The following DYNC1I1 variants were observed in gnomAD, a reference collection of about 807,000 sequenced individuals.
DYNC1I1 encodes dynein cytoplasmic 1 intermediate chain 1.
DYNC1I1 carries 43 observed loss-of-function variants against 86.6 expected under a neutral mutation model. The ratio of observed to expected loss-of-function variants is 0.50; its 90% CI spans 0.39 to 0.64. DYNC1I1 has a LOEUF of 0.64. DYNC1I1 is among the 30% of genes least tolerant of loss of function. The pLI is 0.00. For synonymous variants in DYNC1I1, 262 were observed against 283.7 expected (o/e 0.92, Z 0.77); for missense variants, 604 against 788.8 (o/e 0.77, Z 2.81).
At chr7:95,897,528 A>G (rs946523281) in intron 6 of DYNC1I1, among the ~76,000 whole-genome samples, 1 of 152,130 alleles carries the variant, frequency 6.6e-6, no homozygotes, top group African/African-American at 2.4e-5. Flanking sequence ...AGCCTATTCA[A>G]TAGGAGGCCT....
At chr7:95,798,184 G>A (rs909254136) in intron 1 of DYNC1I1, among the ~76,000 whole-genome samples, 17 of 152,152 alleles carry the variant, frequency 1.1e-4, no homozygotes, top group African/African-American at 4.1e-4. Flanking sequence ...CTCTTCTGTG[G>A]TATTAGTAGA....
chr7:95,789,242 A>G (rs1297635737), intron 1 of DYNC1I1, among the ~76,000 whole-genome samples: 1 of 152,154 alleles, frequency 6.6e-6, no homozygotes, highest in Non-Finnish European at 1.5e-5. Flanking sequence ...TCAGATGGGT[A>G]TTTGCTTTCT....
chr7:95,962,341 TG>T (rs1792892751), intron 6 of DYNC1I1, among the ~76,000 whole-genome samples: 1 of 152,252 alleles, frequency 6.6e-6, no homozygotes, highest in Non-Finnish European at 1.5e-5. Flanking sequence ...TTTTGTTGTT[TG>T]AACTATGTTT....
chr7:95,839,009 A>G (rs1789198458), intron 5 of DYNC1I1, among the ~76,000 whole-genome samples: 1 of 152,084 alleles, frequency 6.6e-6, no homozygotes, highest in Non-Finnish European at 1.5e-5. Flanking sequence ...TAGGTTGAAT[A>G]GTAGCTTTGG....
Position 95,893,458 on chromosome 7 carries a change from C to T in DYNC1I1, c.490+23460C>T, listed in dbSNP as rs187319812. ...GGTGTTAAACAGTTTGGCTTGCAAA[C>T]GTCTAGACTTTTTTAAATATCTAAA... On this transcript the variant is annotated intron_variant, in intron 6 of 16. Transcript: ENST00000447467. Among the ~76,000 whole-genome samples the T allele has an allele frequency of 2.3e-3, 348 of 152,248 alleles. 2 individuals are homozygous for T. The highest frequency in any genetic ancestry group is 7.8e-3 in the African/African-American group (323 of 41,534).
intron 12 of DYNC1I1, among the ~76,000 whole-genome samples, chr7:96,034,456 G>A (rs1794886480): frequency 6.6e-6 from 1 of 152,170 alleles, no homozygotes; most frequent in Non-Finnish European, 1.5e-5. Flanking sequence ...ACAGACTCCT[G>A]TGTCTATACA....
intron 6 of DYNC1I1, among the ~76,000 whole-genome samples, chr7:95,954,520 G>A (rs569044534): frequency 2.0e-5 from 3 of 151,914 alleles, no homozygotes. Flanking sequence ...CAATGATCAG[G>A]CATTTAAGGG....
chr7:96,054,913 G>T (rs959560960), intron 14 of DYNC1I1, among the ~76,000 whole-genome samples: 1 of 152,094 alleles, frequency 6.6e-6, no homozygotes, highest in African/African-American at 2.4e-5. Context: ...CATTCTGTAG[G>T]CTGCCTGTTC....
At chr7:95,783,533 T>G (rs1794051111) in intron 1 of DYNC1I1, among the ~76,000 whole-genome samples, 1 of 152,246 alleles carries the variant, frequency 6.6e-6, no homozygotes. Flanking sequence ...TTATCACATA[T>G]GTTAAAATGG....
At chr7:95,856,212 A>C (rs1789717992) in intron 5 of DYNC1I1, among the ~76,000 whole-genome samples, 1 of 152,166 alleles carries the variant, frequency 6.6e-6, no homozygotes, top group Non-Finnish European at 1.5e-5. Context: ...ACATTAGCGT[A>C]AGCATACACA....
intron 7 of DYNC1I1, among the ~76,000 whole-genome samples, chr7:95,978,327 CCCT>C (rs1373514525): frequency 1.3e-5 from 2 of 152,084 alleles, no homozygotes; most frequent in Non-Finnish European, 2.9e-5. Context: ...TACCCTGTTG[CCCT>C]CCTCATAATA....
chr7:96,105,935 T>G (rs765087903), intron 16 of DYNC1I1, among the ~76,000 whole-genome samples: 15 of 152,334 alleles, frequency 9.8e-5, no homozygotes, highest in Non-Finnish European at 1.9e-4. Context: ...TGTATCCATA[T>G]AAAGTTGTTC....
chr7:95,829,844 C>T (rs1292849989), intron 5 of DYNC1I1, among the ~76,000 whole-genome samples: 3 of 152,030 alleles, frequency 2.0e-5, no homozygotes, highest in African/African-American at 7.2e-5. Flanking sequence ...CCGATATACC[C>T]CAAACTAGGC....
chr7:95,888,703 G>A (rs556251653), intron 6 of DYNC1I1, among the ~76,000 whole-genome samples: 2 of 152,226 alleles, frequency 1.3e-5, no homozygotes, highest in African/African-American at 2.4e-5. Flanking sequence ...CCACCTCTGA[G>A]TTTCTTAGGT....
At chr7:95,930,613 A>C in intron 6 of DYNC1I1, among the ~76,000 whole-genome samples, 1 of 152,196 alleles carries the variant, frequency 6.6e-6, no homozygotes, top group Admixed American at 6.5e-5. Context: ...TCTCCACCTG[A>C]GTGGCATTCA....
intron 4 of DYNC1I1, among the ~76,000 whole-genome samples, chr7:95,826,857 C>CA (rs962398508): frequency 1.3e-5 from 2 of 152,130 alleles, no homozygotes; most frequent in African/African-American, 4.8e-5. Context: ...GCAGAGTTGA[C>CA]ATGTGAGTGA....
downstream of DYNC1I1, among the ~76,000 whole-genome samples, chr7:96,099,849 A>C (rs1791101022): frequency 6.6e-6 from 1 of 152,140 alleles, no homozygotes; most frequent in Admixed American, 6.6e-5. Flanking sequence ...TATATCCTCC[A>C]CCTAGGTTTC....
intron 4 of DYNC1I1, among the ~76,000 whole-genome samples, chr7:95,821,884 A>G (rs755530126): frequency 5.3e-5 from 8 of 152,238 alleles, no homozygotes; most frequent in Non-Finnish European, 7.3e-5. Context: ...TTAGCATTAT[A>G]AATGAGAAAT....
At chr7:95,930,571 T>C (rs1791865994) in intron 6 of DYNC1I1, among the ~76,000 whole-genome samples, 2 of 152,202 alleles carry the variant, frequency 1.3e-5, no homozygotes, top group African/African-American at 4.8e-5. Context: ...ATGTTTACAA[T>C]TTAAGAGGTA....
Sources: gnomAD v4.1 joint callset for allele counts (sites outside exome capture counted in the v4.1 genomes callset) on GRCh38, gnomAD v4.1.1 for gene constraint, MANE v1.5 for transcripts, NCBI Gene and HGNC (gene_info 2026-07-23, HGNC 2026-07-21) for gene names.